FNBP1: variants seen among roughly 807,000 people sequenced by gnomAD.
FNBP1 encodes formin-binding protein 1.
A neutral mutation model predicts 90.6 loss-of-function variants in FNBP1; 26 were observed. The observed-to-expected ratio is 0.29, with a 90% CI of 0.21 to 0.40. The LOEUF (loss-of-function observed/expected upper bound fraction) is 0.40, where lower values mean the gene tolerates loss of function less well. Ranked by LOEUF, FNBP1 falls within the 10% of genes least tolerant of loss-of-function variation. FNBP1 has a pLI of 1.00. For missense variants in FNBP1, 635 were observed against 768.0 expected (o/e 0.83, Z 2.05); for synonymous variants, 260 against 265.2 (o/e 0.98, Z 0.19).
intron 6 of FNBP1, among the ~76,000 whole-genome samples, chr9:129,929,936 T>G (rs1045334316): frequency 1.3e-5 from 2 of 152,208 alleles, no homozygotes; most frequent in Non-Finnish European, 2.9e-5. Flanking sequence ...CCTTCTAGTT[T>G]GACACACCAT....
intron 1 of FNBP1, among the ~76,000 whole-genome samples, chr9:130,024,564 C>G (rs1458873282): frequency 1.3e-5 from 2 of 152,176 alleles, no homozygotes; most frequent in African/African-American, 4.8e-5. Context: ...ATTTCTAGAT[C>G]TGCTTGAAGT....
chr9:129,932,917 T>C (rs929892712), intron 6 of FNBP1, among the ~76,000 whole-genome samples: 16 of 152,122 alleles, frequency 1.1e-4, no homozygotes, highest in African/African-American at 3.9e-4. Context: ...AAATGCCCTA[T>C]TAACTCTTCA....
At chr9:129,967,323 C>G (rs1564457313) in intron 4 of FNBP1, among the ~76,000 whole-genome samples, 3 of 152,280 alleles carry the variant, frequency 2.0e-5, no homozygotes, top group Non-Finnish European at 4.4e-5. Flanking sequence ...CGGGATCAGC[C>G]TGGCCAATAT....
At chr9:129,912,870 G>C (rs1210431329) in intron 11 of FNBP1, among the ~76,000 whole-genome samples, 2 of 152,072 alleles carry the variant, frequency 1.3e-5, no homozygotes, top group African/African-American at 4.8e-5. Context: ...TTTGAAATGT[G>C]GCTGGTGAAA....
chr9:129,890,185 A>C lies in FNBP1; in HGVS notation c.*354T>G, dbSNP rs1002210425. The C allele has an allele frequency of 4.8e-6, 2 of 417,730 alleles. No individual in the cohort carries two copies. Among genetic ancestry groups the C allele is most frequent in the African/African-American group, 2.0e-5 (1 of 49,368 alleles). The allele number at this position is 417,730 out of a possible 1,614,324, so 25.9% of individuals were successfully genotyped here. On this transcript the variant is annotated 3_prime_UTR_variant, in exon 17 of 17. Transcript: ENST00000446176. This position sits in a 1 kb window ranked among gnomAD's most constrained non-coding sequence, Gnocchi z 5.8. ...CACTTTCACAAAAGGCACTGTGTGA[A>C]GCGCGGAAGGGCTGCCAGGACGAGC...
At chr9:129,977,618 A>G (rs569182735) in intron 4 of FNBP1, among the ~76,000 whole-genome samples, 2 of 151,942 alleles carry the variant, frequency 1.3e-5, no homozygotes, top group East Asian at 3.9e-4. Context: ...CAGACCCCCA[A>G]GTAGCTGGGG....
chr9:129,906,165 G>A (rs2038020863), intron 12 of FNBP1, among the ~76,000 whole-genome samples: 3 of 152,142 alleles, frequency 2.0e-5, no homozygotes, highest in South Asian at 2.1e-4. Context: ...TTACAGGCAT[G>A]AGCCACCGCG....
chr9:130,051,899 C>T, the FNBP1 span, among the ~76,000 whole-genome samples: 1 of 152,188 alleles, frequency 6.6e-6, no homozygotes, highest in African/African-American at 2.4e-5. Context: ...TCTTTCCAGC[C>T]CCTGCAGGCT....
intron 6 of FNBP1, among the ~76,000 whole-genome samples, chr9:129,949,076 G>A (rs898623787): frequency 1.3e-5 from 2 of 152,092 alleles, no homozygotes; most frequent in Non-Finnish European, 2.9e-5. Context: ...CAGCAGGGGA[G>A]CCTGTTTCAC....
intron 1 of FNBP1, among the ~76,000 whole-genome samples, chr9:130,036,439 C>A (rs1021333381): frequency 2.0e-5 from 3 of 152,092 alleles, no homozygotes; most frequent in Admixed American, 1.3e-4. Context: ...TACAGTTTTG[C>A]CTACCAAAAT....
chr9:130,009,978 C>CAA lies in FNBP1; in HGVS notation c.25-15022_25-15021dup, dbSNP rs68122821. On this transcript the variant is annotated intron_variant, in intron 1 of 16. Transcript: ENST00000446176. Reference sequence around the variant, plus strand: ...TGGGTGACAGAGCAAGACCCAGTCTCAAAAAAAAAAAAAAAAAAAAATCGC... The same window carrying CAA: ...TGGGTGACAGAGCAAGACCCAGTCTCAAAAAAAAAAAAAAAAAAAAAAATCGC... 1.3e-3 allele frequency among the ~76,000 whole-genome samples: 89 copies of CAA among 69,884 alleles called. 2 individuals are homozygous for CAA. The highest frequency in any genetic ancestry group is 3.4e-3 in the African/African-American group (72 of 21,208). 45.8% of individuals were successfully genotyped at this position (69,884 alleles called of 152,430 possible). A position where few individuals can be genotyped will look rare whatever the true frequency, so the allele number is the denominator to read the frequency against.
At chr9:130,015,923 C>T (rs2057186470) in intron 1 of FNBP1, among the ~76,000 whole-genome samples, 1 of 152,170 alleles carries the variant, frequency 6.6e-6, no homozygotes, top group Non-Finnish European at 1.5e-5. Flanking sequence ...AATGCACCTG[C>T]CTCGGTCTCC....
intron 1 of FNBP1, among the ~76,000 whole-genome samples, chr9:130,039,005 AC>A (rs1393628143): frequency 6.6e-6 from 1 of 152,194 alleles, no homozygotes. Context: ...GAAAAAAAAA[AC>A]ATTCAAATGT....
chr9:130,001,085 C>A (rs1199774220), intron 1 of FNBP1, among the ~76,000 whole-genome samples: 1 of 152,086 alleles, frequency 6.6e-6, no homozygotes, highest in Non-Finnish European at 1.5e-5. Context: ...TGTAATCCAG[C>A]ACTTTGGGAG....
rs373062262 is a variant in FNBP1, at chr9:129,998,991, T to G, written c.25-4033A>C. 8.5e-5 allele frequency among the ~76,000 whole-genome samples: 13 copies of G among 152,370 alleles called. No homozygotes were observed. The East Asian group carries it at 2.3e-3, about 27-fold the overall frequency. On this transcript the variant is annotated intron_variant, in intron 1 of 16. Transcript: ENST00000446176. ...CTATAGCAGAGTTCTTTTGATGCTCTGTGAAACCTGAGGATGCCCCCACGC... is the reference window on the plus strand; with the variant it reads ...CTATAGCAGAGTTCTTTTGATGCTCGGTGAAACCTGAGGATGCCCCCACGC...
intron 16 of FNBP1, among the ~76,000 whole-genome samples, chr9:129,893,001 CT>C (rs1475417558): frequency 2.6e-5 from 4 of 151,986 alleles, no homozygotes; most frequent in Non-Finnish European, 4.4e-5. Context: ...GACAGAATGC[CT>C]TTTTTCAAAG....
At chr9:130,043,622 C>G (rs898982465), upstream of FNBP1, among the ~76,000 whole-genome samples, 1 of 152,212 alleles carries the variant, frequency 6.6e-6, no homozygotes, top group Non-Finnish European at 1.5e-5. Flanking sequence ...TTCCCACCGC[C>G]CGAGGGAAGC....
intron 6 of FNBP1, among the ~76,000 whole-genome samples, chr9:129,933,813 C>T (rs2043082821): frequency 6.6e-6 from 1 of 152,138 alleles, no homozygotes; most frequent in African/African-American, 2.4e-5. Flanking sequence ...ATCAGATTCT[C>T]CAAAGCCGCA....
chr9:130,003,593 C>T (rs1341925343), intron 1 of FNBP1, among the ~76,000 whole-genome samples: 1 of 151,490 alleles, frequency 6.6e-6, no homozygotes, highest in Admixed American at 6.6e-5. Flanking sequence ...GGCAACAGAG[C>T]GAGACTCTGT....
Sources: allele counts gnomAD v4.1 joint callset (sites outside exome capture counted in the v4.1 genomes callset), GRCh38; gene constraint gnomAD v4.1.1; non-coding constraint Gnocchi (gnomAD v3.1); transcripts MANE v1.5; gene names NCBI Gene and HGNC (gene_info 2026-07-23, HGNC 2026-07-21).